The following RECQL5 variants were observed in gnomAD, a reference collection of about 807,000 sequenced individuals.
RECQL5 encodes RecQ like helicase 5.
RECQL5 carries 88 observed loss-of-function variants against 103.4 expected under a neutral mutation model. The observed-to-expected ratio is 0.85, with a 90% CI of 0.72 to 1.02. RECQL5 has a LOEUF of 1.02. Ranked by LOEUF, RECQL5 falls within the 50% of genes least tolerant of loss-of-function variation. The probability of loss-of-function intolerance (pLI) is 0.00; values close to 1 mark genes in which losing one functional copy is unlikely to be tolerated. For missense variants in RECQL5, 1,232 were observed against 1,284.3 expected (o/e 0.96, Z 0.62); for synonymous variants, 552 against 507.9 (o/e 1.09, Z -1.17).
chr17:75,650,199 G>C lies in RECQL5; in HGVS notation c.1229+987C>G, dbSNP rs574767242. The C allele has an allele frequency of 4.0e-6, 4 of 989,020 alleles. No homozygotes were observed. The South Asian group carries it at 1.9e-4, about 46-fold the overall frequency. The allele number at this position is 989,020 out of a possible 1,614,324, so 61.3% of individuals were successfully genotyped here. A position where few individuals can be genotyped will look rare whatever the true frequency, so the allele number is the denominator to read the frequency against. On this transcript the variant is annotated intron_variant, in intron 8 of 19. Coordinates refer to ENST00000317905, the MANE Select transcript of RECQL5 (RefSeq NM_004259.7). Reference sequence around the variant, plus strand: ...CTCTGGTCGCAAAGGCTGCAGGCAAGGGTGGTCCTGGCACTGCAGCCGACC... The same window carrying C: ...CTCTGGTCGCAAAGGCTGCAGGCAACGGTGGTCCTGGCACTGCAGCCGACC...
rs768733932 is a variant in RECQL5, at chr17:75,640,449, G to C, written c.1230-8781C>G. 6 of 1,411,684 alleles carry C rather than the reference G, an allele frequency of 4.3e-6. No homozygotes were observed. Among genetic ancestry groups the C allele is most frequent in the East Asian group, 2.5e-5 (1 of 39,518 alleles). 87.4% of individuals were successfully genotyped at this position (1,411,684 alleles called of 1,614,324 possible). A position where few individuals can be genotyped will look rare whatever the true frequency, so the allele number is the denominator to read the frequency against. On this transcript the variant is annotated intron_variant, in intron 8 of 19. Coordinates refer to ENST00000317905, the MANE Select transcript of RECQL5 (RefSeq NM_004259.7). This position sits in a 1 kb window ranked among gnomAD's most constrained non-coding sequence, Gnocchi z 4.6. ...TCTGCCGGATCAAGGAGGAAAACCAGTTGTCCCTTGGGGGAAGCCAAGGGA... is the reference window on the plus strand; with the variant it reads ...TCTGCCGGATCAAGGAGGAAAACCACTTGTCCCTTGGGGGAAGCCAAGGGA...
Position 75,649,619 on chromosome 17 carries a change from C to T in RECQL5, c.1229+1567G>A, listed in dbSNP as rs570244239. 3.0e-6 allele frequency: 3 copies of T among 985,378 alleles called. No individual in the cohort carries two copies. In the African/African-American group the frequency reaches 5.2e-5, roughly 17 times the overall value. 61.0% of individuals were successfully genotyped at this position (985,378 alleles called of 1,614,324 possible). A position where few individuals can be genotyped will look rare whatever the true frequency, so the allele number is the denominator to read the frequency against. Reference sequence around the variant, plus strand: ...TCCAATGAGAACTATTCTTAGGAAGCAAATATCTGGTGGAGAAGGGGCTTT... The same window carrying T: ...TCCAATGAGAACTATTCTTAGGAAGTAAATATCTGGTGGAGAAGGGGCTTT... On this transcript the variant is annotated intron_variant, in intron 8 of 19. Coordinates refer to ENST00000317905, the MANE Select transcript of RECQL5 (RefSeq NM_004259.7).
chr17:75,664,523 T>C (rs923998043), intron 3 of RECQL5, among the ~76,000 whole-genome samples: 23 of 152,184 alleles, frequency 1.5e-4, no homozygotes, highest in African/African-American at 5.5e-4. Context: ...AGAGGAGTCA[T>C]TCATAACCTC....
Position 75,627,393 on chromosome 17 carries a change from G to A in RECQL5, c.*29C>T. 6.4e-7 allele frequency: 1 copy of A among 1,560,202 alleles called. No homozygotes were observed. The highest frequency in any genetic ancestry group is 8.8e-7 in the Non-Finnish European group (1 of 1,132,208). ...TGACCCATGCTAGAATCTGGGGGAG[G>A]ACGCGGGCCCTGCCCAGCCAGCAGT... On this transcript the variant is annotated 3_prime_UTR_variant, in exon 20 of 20. Coordinates refer to ENST00000317905, the MANE Select transcript of RECQL5 (RefSeq NM_004259.7).
At chr17:75,653,090 G>C (rs1182762220) in intron 7 of RECQL5, among the ~76,000 whole-genome samples, 3 of 152,346 alleles carry the variant, frequency 2.0e-5, no homozygotes, top group Middle Eastern at 3.4e-3. Context: ...GGGGGCACCA[G>C]TCCCTGCCAC....
At chr17:75,660,276 C>T (rs1479561628) in intron 6 of RECQL5, among the ~76,000 whole-genome samples, 1 of 152,158 alleles carries the variant, frequency 6.6e-6, no homozygotes, top group Non-Finnish European at 1.5e-5. Context: ...GGCCACGTTG[C>T]CCAAGCTGGT....
At chr17:75,666,026 G>A (rs1359562500) in intron 2 of RECQL5, among the ~76,000 whole-genome samples, 1 of 152,164 alleles carries the variant, frequency 6.6e-6, no homozygotes, top group African/African-American at 2.4e-5. Flanking sequence ...GTTGCTGTTC[G>A]TTTGTGTGTA....
In RECQL5 at chr17:75,662,533, A is replaced by C. The variant is rs1242848440; in HGVS notation, c.717T>G (p.Tyr239Ter). Residue 239 changes from tyrosine to a stop codon, truncating the protein, a stop_gained, in exon 4 of 20, where the codon TAT (tyrosine) becomes TAG (stop). Transcript: ENST00000317905. LOFTEE classifies it high-confidence loss of function. ...VQFKELISDPYGNLKDFCLKA... is the reference protein window; with the variant it reads ...VQFKELISDP The stretch of plus-strand genomic sequence containing the variant: ...TAAGGCAGAAGTCCTTCAGGTTCCC[A>C]TAGGGATCAGAAATCAGTTCCTTGA... The C allele has an allele frequency of 3.7e-6, 6 of 1,614,122 alleles. No individual in the cohort carries two copies. The highest frequency in any genetic ancestry group is 5.1e-6 in the Non-Finnish European group (6 of 1,180,018).
chr17:75,644,339 T>C (rs1028281985), intron 8 of RECQL5, among the ~76,000 whole-genome samples: 7 of 150,442 alleles, frequency 4.7e-5, no homozygotes, highest in South Asian at 4.2e-4. Flanking sequence ...CAGACCAGCA[T>C]AGTATATCAC....
intron 8 of RECQL5, 74 bp downstream of exon 8, chr17:75,651,112 G>C (rs1193861642): frequency 5.6e-6 from 9 of 1,612,478 alleles, no homozygotes; most frequent in Non-Finnish European, 7.6e-6. Flanking sequence ...TATGTCAGCT[G>C]CTTAACTAGG....
At position 75,627,385 on chromosome 17, in the gene RECQL5, T is replaced by G. The variant is rs1598970885; in HGVS notation, c.*37A>C. On this transcript the variant is annotated 3_prime_UTR_variant, in exon 20 of 20. Transcript: ENST00000317905. ...GCCCAGGATGACCCATGCTAGAATC[T>G]GGGGGAGGACGCGGGCCCTGCCCAG... The G allele has an allele frequency of 2.7e-6, 4 of 1,506,410 alleles. No individual in the cohort carries two copies. In the East Asian group the frequency reaches 9.0e-5, roughly 34 times the overall value. 93.3% of individuals were successfully genotyped at this position (1,506,410 alleles called of 1,614,324 possible). A position where few individuals can be genotyped will look rare whatever the true frequency, so the allele number is the denominator to read the frequency against.
rs114020363 is a variant in RECQL5 at position 75,661,686 on chromosome 17, T to G, written c.794A>C (p.Tyr265Ser). The G allele has an allele frequency of 6.2e-7, 1 of 1,614,018 alleles. No homozygotes were observed. Among genetic ancestry groups the G allele is most frequent in the East Asian group, 2.2e-5 (1 of 44,882 alleles). Reference protein sequence around the residue: ...DKGLSGCGIVYCRTREACEQL... With the variant: ...DKGLSGCGIVSCRTREACEQL... ...TTCACAAGCCTCTCTAGTCCTGCAG[T>G]ACACAATGCCGCAGCCAGATAACTG... is the stretch of plus-strand genomic sequence containing the variant. Residue 265 changes from tyrosine to serine, a missense_variant, in exon 5 of 20, where the codon TAC becomes TCC. By Grantham distance (144) the Tyr-to-Ser change is moderately radical. Coordinates refer to ENST00000317905, the MANE Select transcript of RECQL5 (RefSeq NM_004259.7).
In RECQL5 at chr17:75,634,721, C is replaced by T. The variant is rs190818564; in HGVS notation, c.1230-3053G>A. Reference sequence around the variant, plus strand: ...ACTCACTGCTGGTGTTCTCAGCTCACGGCTCAGCCTGGGTCCTCCTCCCTG... The same window carrying T: ...ACTCACTGCTGGTGTTCTCAGCTCATGGCTCAGCCTGGGTCCTCCTCCCTG... On this transcript the variant is annotated intron_variant, in intron 8 of 19. Coordinates refer to ENST00000317905, the MANE Select transcript of RECQL5 (RefSeq NM_004259.7). Among the ~76,000 whole-genome samples, 270 of 152,316 alleles carry T rather than the reference C, an allele frequency of 1.8e-3. 1 individual carries two copies. Among genetic ancestry groups the T allele is most frequent in the Non-Finnish European group, 2.4e-3 (160 of 68,012 alleles).
rs767828047 is a variant in RECQL5 at position 75,658,399 on chromosome 17, C to T, written c.1048G>A (p.Ala350Thr). Residue 350 changes from alanine (A) to threonine (T), a missense_variant, in exon 7 of 20, where the codon GCT (alanine) becomes ACT (threonine). Ala to Thr is a moderately conservative substitution (Grantham distance 58, BLOSUM62 0). Coordinates refer to ENST00000317905, the MANE Select transcript of RECQL5 (RefSeq NM_004259.7). ...MAGYYQESGR[A>T]GRDGKPSWCR... ...CAGGAAGGCTTCCCATCCCTGCCAG[C>T]CCGGCCAGACTCCTGGTAGTACCCA... The T allele has an allele frequency of 2.7e-5, 43 of 1,614,088 alleles. No individual in the cohort carries two copies. Among genetic ancestry groups the T allele is most frequent in the Middle Eastern group, 1.7e-4 (1 of 6,060 alleles).
At chr17:75,627,734 T>G in intron 18 of RECQL5, 42 bp from the exon 19 acceptor site, 1 of 1,560,148 alleles carries the variant, frequency 6.4e-7, no homozygotes, top group Non-Finnish European at 8.7e-7. Context: ...GCAGGACCCT[T>G]GGTGGCCGGG....
At chr17:75,663,687 C>T (rs1599062374) in intron 3 of RECQL5, among the ~76,000 whole-genome samples, 1 of 152,146 alleles carries the variant, frequency 6.6e-6, no homozygotes, top group South Asian at 2.1e-4. Context: ...CTGTTTCTTA[C>T]CCTCTGAACG....
intron 8 of RECQL5, chr17:75,634,373 T>C: frequency 2.0e-6 from 1 of 497,588 alleles, no homozygotes; most frequent in Non-Finnish European, 2.6e-6. Flanking sequence ...ACCTGCACTC[T>C]CCCTGCTGCT....
chr17:75,627,221 TAGGCTTTGCAAGCAG>T lies in RECQL5; in HGVS notation c.*186_*200del, dbSNP rs2059110520. 1.5e-6 allele frequency: 1 copy of T among 665,144 alleles called. No individual in the cohort carries two copies. Among genetic ancestry groups the T allele is most frequent in the Admixed American group, 2.2e-5 (1 of 46,246 alleles). 41.2% of individuals were successfully genotyped at this position (665,144 alleles called of 1,614,324 possible). A position where few individuals can be genotyped will look rare whatever the true frequency, so the allele number is the denominator to read the frequency against. ...TGAGGACCGCTCTGAGAAGGGTCTA[TAGGCTTTGCAAGCAG>T]AAAGAAAGGTGGGCTGACCTCTGAC... On this transcript the variant is annotated 3_prime_UTR_variant, in exon 20 of 20. Transcript: ENST00000317905.
chr17:75,650,992 T>C (rs2059547906), intron 8 of RECQL5, 194 bp downstream of exon 8: 2 of 1,505,928 alleles, frequency 1.3e-6, no homozygotes, highest in South Asian at 1.3e-5. Context: ...ATCCCCACAC[T>C]GCGAGAGATC....
Sources: allele counts gnomAD v4.1 joint callset (sites outside exome capture counted in the v4.1 genomes callset), GRCh38; gene constraint gnomAD v4.1.1; non-coding constraint Gnocchi (gnomAD v3.1); transcripts MANE v1.5; gene names NCBI Gene and HGNC (gene_info 2026-07-23, HGNC 2026-07-21).